The following CCDC30 variants were observed in gnomAD, a reference collection of about 807,000 sequenced individuals.
CCDC30 encodes coiled-coil domain containing 30, also known as coiled-coil domain-containing protein 30.
CCDC30 carries 70 observed loss-of-function variants against 100.2 expected under a neutral mutation model. The ratio of observed to expected loss-of-function variants is 0.70; its 90% CI spans 0.58 to 0.85. The LOEUF (loss-of-function observed/expected upper bound fraction) is 0.85. Ranked by LOEUF, CCDC30 falls within the 40% of genes least tolerant of loss-of-function variation. CCDC30 has a pLI of 0.00. For missense variants in CCDC30, 652 were observed against 771.2 expected (o/e 0.85, Z 1.83); for synonymous variants, 233 against 269.5 (o/e 0.86, Z 1.33).
At chr1:42,536,447 A>C in intron 6 of CCDC30, 29 bp from the exon 7 acceptor site, 1 of 1,418,772 alleles carries the variant, frequency 7.0e-7, no homozygotes, top group Non-Finnish European at 9.7e-7. Flanking sequence ...ATTATATATA[A>C]AATTAATTAT....
At chr1:42,606,767 G>A (rs1646510350) in intron 10 of CCDC30, among the ~76,000 whole-genome samples, 1 of 152,118 alleles carries the variant, frequency 6.6e-6, no homozygotes, top group African/African-American at 2.4e-5. Flanking sequence ...AAGAAACAAA[G>A]AAAAATTATG....
chr1:42,468,955 T>C (rs187874309), intron 1 of CCDC30, among the ~76,000 whole-genome samples: 1 of 151,024 alleles, frequency 6.6e-6, no homozygotes, highest in Non-Finnish European at 1.5e-5. Context: ...CCAGGAAGCA[T>C]ACTGAGAAGG....
intron 10 of CCDC30, among the ~76,000 whole-genome samples, chr1:42,598,614 C>A (rs1646339519): frequency 6.6e-6 from 1 of 151,966 alleles, no homozygotes; most frequent in Non-Finnish European, 1.5e-5. Flanking sequence ...AATAGAAAAC[C>A]ATAATAAATA....
intron 6 of CCDC30, among the ~76,000 whole-genome samples, chr1:42,511,777 T>A (rs902977461): frequency 6.6e-6 from 1 of 152,110 alleles, no homozygotes; most frequent in African/African-American, 2.4e-5. Flanking sequence ...TTCCTCTAGG[T>A]GGCGCTATTG....
chr1:42,488,502 A>G (rs1644087516), intron 3 of CCDC30, among the ~76,000 whole-genome samples: 2 of 152,004 alleles, frequency 1.3e-5, no homozygotes, highest in African/African-American at 4.8e-5. Context: ...TTTGTAGAGA[A>G]GGTGGTTTTA....
At chr1:42,559,321 A>G (rs1459188558) in intron 6 of CCDC30, among the ~76,000 whole-genome samples, 1 of 152,222 alleles carries the variant, frequency 6.6e-6, no homozygotes, top group Non-Finnish European at 1.5e-5. Context: ...AATGAGCTAA[A>G]TGCCCCAATT....
chr1:42,494,997 C>T (rs199759922), intron 4 of CCDC30, among the ~76,000 whole-genome samples: 13,640 of 106,118 alleles, frequency 0.13, 790 homozygotes, highest in East Asian at 0.18. Context: ...CCAGCCATCC[C>T]ATTACTGGGT....
In CCDC30 at chr1:42,502,093, G is replaced by A. The variant is rs571134516; in HGVS notation, c.456+3177G>A. Among the ~76,000 whole-genome samples, 247 of 152,272 alleles carry A rather than the reference G, an allele frequency of 1.6e-3. 1 individual carries two copies. The highest frequency in any genetic ancestry group is 4.0e-3 in the Admixed American group (61 of 15,312). On this transcript the variant is annotated intron_variant, in intron 6 of 16. Coordinates refer to ENST00000668663, the Ensembl canonical transcript of CCDC30. Reference sequence around the variant, plus strand: ...AGGCAGGCAGGCCTCCTTGAGCTGCGGTGGGCTTCACCCAGTTTGAGCTTC... The same window carrying A: ...AGGCAGGCAGGCCTCCTTGAGCTGCAGTGGGCTTCACCCAGTTTGAGCTTC...
chr1:42,493,710 AAG>A (rs1163855801), intron 4 of CCDC30, among the ~76,000 whole-genome samples: 1 of 152,238 alleles, frequency 6.6e-6, no homozygotes, highest in Non-Finnish European at 1.5e-5. Context: ...GTCATGAAAA[AAG>A]AGAGAAGTCA....
intron 10 of CCDC30, among the ~76,000 whole-genome samples, chr1:42,603,060 T>C (rs907687626): frequency 6.6e-6 from 1 of 152,226 alleles, no homozygotes; most frequent in African/African-American, 2.4e-5. Context: ...TTAGTCTGTT[T>C]ATGCTGCTAT....
chr1:42,487,257 AG>A (rs1390199964), intron 3 of CCDC30, among the ~76,000 whole-genome samples: 1 of 152,128 alleles, frequency 6.6e-6, no homozygotes, highest in Non-Finnish European at 1.5e-5. Flanking sequence ...GCATACCTGT[AG>A]GTATACTAAA....
chr1:42,567,867 G>C (rs1238207525), intron 7 of CCDC30, among the ~76,000 whole-genome samples: 1 of 152,002 alleles, frequency 6.6e-6, no homozygotes, highest in Non-Finnish European at 1.5e-5. Flanking sequence ...AGTCTTTCAG[G>C]GATGGATAAA....
At chr1:42,573,638 G>A (rs952818022) in intron 7 of CCDC30, among the ~76,000 whole-genome samples, 2 of 151,838 alleles carry the variant, frequency 1.3e-5, no homozygotes, top group Admixed American at 6.6e-5. Context: ...GGTGACAGTA[G>A]GCATCCTTTT....
At chr1:42,476,987 A>G (rs1643890592) in intron 1 of CCDC30, among the ~76,000 whole-genome samples, 1 of 145,308 alleles carries the variant, frequency 6.9e-6, no homozygotes, top group South Asian at 2.1e-4. Flanking sequence ...CTTGCTTTCT[A>G]CTGGGTAGAC....
At chr1:42,477,127 G>A (rs974399627) in intron 1 of CCDC30, among the ~76,000 whole-genome samples, 2 of 151,068 alleles carry the variant, frequency 1.3e-5, no homozygotes, top group African/African-American at 4.9e-5. Context: ...AATTTCTTCC[G>A]GCATTTCTGG....
chr1:42,466,872 C>A (rs978028828), intron 1 of CCDC30, among the ~76,000 whole-genome samples: 6 of 152,092 alleles, frequency 3.9e-5, no homozygotes, highest in African/African-American at 1.4e-4. Context: ...TTCTTATGTA[C>A]TTTGTTGTGT....
chr1:42,576,752 G>A (rs1645846150), intron 7 of CCDC30, among the ~76,000 whole-genome samples: 1 of 152,154 alleles, frequency 6.6e-6, no homozygotes, highest in Non-Finnish European at 1.5e-5. Flanking sequence ...TGGAGTAGTG[G>A]GGATGAAAGC....
At position 42,529,407 on chromosome 1, in the gene CCDC30, G is replaced by C. The variant is rs562815942; in HGVS notation, c.456+30491G>C. 1.0e-3 allele frequency among the ~76,000 whole-genome samples: 159 copies of C among 152,294 alleles called. 3 individuals carry two copies. In the South Asian group the frequency reaches 0.033, roughly 31 times the overall value. The stretch of plus-strand genomic sequence containing the variant: ...GAATAGCTTGAAACCAGAAGACAGA[G>C]GTTGCAGTGAGCTGAGATCATGCCA... On this transcript the variant is annotated intron_variant, in intron 6 of 16. Coordinates refer to ENST00000668663, the Ensembl canonical transcript of CCDC30.
chr1:42,456,473 C>G, the CCDC30 span: 6 of 1,337,052 alleles, frequency 4.5e-6, no homozygotes, highest in South Asian at 1.5e-5. Context: ...GAACCGCCCA[C>G]TCAGTACGGC....
Sources: allele counts gnomAD v4.1 joint callset (sites outside exome capture counted in the v4.1 genomes callset), GRCh38; gene constraint gnomAD v4.1.1; transcripts MANE v1.5; gene names NCBI Gene and HGNC (gene_info 2026-07-23, HGNC 2026-07-21).